The following CNTN5 variants were observed in gnomAD, a reference collection of about 807,000 sequenced individuals.
CNTN5 encodes the protein contactin 5.
A neutral mutation model predicts 129.1 loss-of-function variants in CNTN5; 77 were observed. That is an observed-to-expected ratio of 0.60 (90% CI 0.50 to 0.72). The LOEUF is 0.72. CNTN5 is among the 30% of genes least tolerant of loss of function. The pLI is 0.00. For synonymous variants in CNTN5, 509 were observed against 465.6 expected (o/e 1.09, Z -1.20); for missense variants, 1,478 against 1,328.8 (o/e 1.11, Z -1.75).
intron 13 of CNTN5, among the ~76,000 whole-genome samples, chr11:100,134,376 T>A (rs1946463280): frequency 1.3e-5 from 2 of 152,168 alleles, no homozygotes; most frequent in African/African-American, 4.8e-5. Context: ...ATTGGCTGTA[T>A]TTCCTTGGGC....
intron 1 of CNTN5, among the ~76,000 whole-genome samples, chr11:99,047,292 C>T (rs1345140572): frequency 6.6e-6 from 1 of 150,840 alleles, no homozygotes; most frequent in Non-Finnish European, 1.5e-5. Context: ...TCTACTCTAA[C>T]TTCTTTCTGC....
intron 1 of CNTN5, among the ~76,000 whole-genome samples, chr11:99,239,943 A>C (rs1861463279): frequency 7.3e-6 from 1 of 137,348 alleles, no homozygotes; most frequent in Non-Finnish European, 1.6e-5. Context: ...TCTCAAAAAA[A>C]AAAAAAAAAA....
chr11:99,678,967 CTATATA>C (rs889322330), intron 3 of CNTN5, among the ~76,000 whole-genome samples: 4 of 144,462 alleles, frequency 2.8e-5, no homozygotes, highest in African/African-American at 7.7e-5. Flanking sequence ...CTCTCTCTCT[CTATATA>C]TATATATAAA....
chr11:99,900,085 A>T (rs1052765484), intron 6 of CNTN5, among the ~76,000 whole-genome samples: 1 of 151,146 alleles, frequency 6.6e-6, no homozygotes, highest in Non-Finnish European at 1.5e-5. Flanking sequence ...GATTCTACTT[A>T]TTTGAGTCTT....
chr11:99,519,075 T>G (rs562097194), intron 2 of CNTN5, among the ~76,000 whole-genome samples: 1 of 152,182 alleles, frequency 6.6e-6, no homozygotes, highest in African/African-American at 2.4e-5. Flanking sequence ...CATAACTTGG[T>G]CTACCAGTAC....
intron 3 of CNTN5, among the ~76,000 whole-genome samples, chr11:99,598,805 A>G (rs1950225109): frequency 1.3e-5 from 2 of 151,988 alleles, no homozygotes; most frequent in African/African-American, 4.8e-5. Flanking sequence ...GGACTTTTAC[A>G]GTAGGGAATA....
At position 99,573,591 on chromosome 11, in the gene CNTN5, A is replaced by G. The variant is rs988294030; in HGVS notation, c.55+17322A>G. The stretch of plus-strand genomic sequence containing the variant: ...TCCGTCTCAAAAAAAAATAAAAATA[A>G]AAAATAAAAAATAAAAATAGTTCCT... On this transcript the variant is annotated intron_variant, in intron 3 of 24. Transcript: ENST00000524871. 1.7e-3 allele frequency among the ~76,000 whole-genome samples: 4 copies of G among 2,404 alleles called. No homozygotes were observed. In the Non-Finnish European group the frequency reaches 0.056, roughly 33 times the overall value. 1.6% of individuals were successfully genotyped at this position (2,404 alleles called of 152,430 possible).
At chr11:100,346,985 C>T (rs1952294902) in intron 23 of CNTN5, among the ~76,000 whole-genome samples, 1 of 152,110 alleles carries the variant, frequency 6.6e-6, no homozygotes, top group African/African-American at 2.4e-5. Context: ...TCTCATGAGA[C>T]TTACTCACTA....
Position 99,329,632 on chromosome 11 carries a change from A to G in CNTN5, c.-71+4148A>G, listed in dbSNP as rs187569063. Among the ~76,000 whole-genome samples the G allele has an allele frequency of 3.3e-4, 51 of 152,256 alleles. 1 individual carries two copies. In the East Asian group the frequency reaches 9.1e-3, roughly 27 times the overall value. Reference sequence around the variant, plus strand: ...ATACAGAGTGAATCCCAGACAGACAAATTCTTAACTAGATACAGACTTCTG... The same window carrying G: ...ATACAGAGTGAATCCCAGACAGACAGATTCTTAACTAGATACAGACTTCTG... On this transcript the variant is annotated intron_variant, in intron 2 of 24. Coordinates refer to ENST00000524871, the MANE Select transcript of CNTN5 (RefSeq NM_014361.4).
At chr11:99,643,989 A>G (rs149714946) in intron 3 of CNTN5, among the ~76,000 whole-genome samples, 5 of 151,682 alleles carry the variant, frequency 3.3e-5, no homozygotes, top group African/African-American at 9.7e-5. Flanking sequence ...CCCATATTCT[A>G]TATGCACACA....
At chr11:100,306,983 G>T (rs1205720640) in intron 20 of CNTN5, among the ~76,000 whole-genome samples, 1 of 151,596 alleles carries the variant, frequency 6.6e-6, no homozygotes, top group Non-Finnish European at 1.5e-5. Context: ...TTTTAACAAA[G>T]GTTTGGCCAA....
intron 13 of CNTN5, among the ~76,000 whole-genome samples, chr11:100,166,555 G>T (rs1372519543): frequency 6.6e-6 from 1 of 151,654 alleles, no homozygotes; most frequent in Non-Finnish European, 1.5e-5. Flanking sequence ...TGGTAATCAT[G>T]CCAAGAACAC....
At chr11:99,422,560 A>C (rs1050484591) in intron 2 of CNTN5, among the ~76,000 whole-genome samples, 11 of 125,480 alleles carry the variant, frequency 8.8e-5, no homozygotes, top group African/African-American at 1.5e-4. Context: ...ATATATATAT[A>C]TCTGTATTTT....
intron 1 of CNTN5, among the ~76,000 whole-genome samples, chr11:99,265,583 G>T (rs1164669047): frequency 6.6e-6 from 1 of 151,908 alleles, no homozygotes; most frequent in Admixed American, 6.6e-5. Context: ...CTTGCTGAGG[G>T]TTTTCCCTTT....
At chr11:100,137,842 A>G (rs1352241937) in intron 13 of CNTN5, among the ~76,000 whole-genome samples, 1 of 152,172 alleles carries the variant, frequency 6.6e-6, no homozygotes, top group Admixed American at 6.6e-5. Flanking sequence ...GTAAAGCATT[A>G]CCCATATTTC....
chr11:99,690,439 G>C (rs938856683), intron 3 of CNTN5, among the ~76,000 whole-genome samples: 1 of 152,048 alleles, frequency 6.6e-6, no homozygotes, highest in Non-Finnish European at 1.5e-5. Flanking sequence ...TGGCTATCTG[G>C]CTATTCGGGC....
rs115457445 is a variant in CNTN5 at position 99,398,298 on chromosome 11, C to G, written c.-71+72814C>G. On this transcript the variant is annotated intron_variant, in intron 2 of 24. Transcript: ENST00000524871. ...AAACCGTTTTTTCTCACCTCTTTTC[C>G]TGAATTTATTCTATACATTTGTAAT... is the stretch of plus-strand genomic sequence containing the variant. 5.9e-3 allele frequency among the ~76,000 whole-genome samples: 891 copies of G among 151,956 alleles called. 11 individuals carry two copies. The highest frequency in any genetic ancestry group is 0.021 in the African/African-American group (861 of 41,512).
intron 21 of CNTN5, 173 bp downstream of exon 21, chr11:100,308,641 A>G: frequency 7.6e-7 from 1 of 1,314,484 alleles, no homozygotes; most frequent in Non-Finnish European, 9.7e-7. Flanking sequence ...TTGCTCATTA[A>G]CTGGTTTATT....
At chr11:99,269,904 T>C (rs940269754) in intron 1 of CNTN5, among the ~76,000 whole-genome samples, 1 of 151,760 alleles carries the variant, frequency 6.6e-6, no homozygotes, top group South Asian at 2.1e-4. Flanking sequence ...AATTTGGTAG[T>C]TGTTATGCTT....
Sources: allele counts gnomAD v4.1 joint callset (sites outside exome capture counted in the v4.1 genomes callset), GRCh38; gene constraint gnomAD v4.1.1; transcripts MANE v1.5; gene names NCBI Gene and HGNC (gene_info 2026-07-23, HGNC 2026-07-21).